CEP85L: variants seen among roughly 807,000 people sequenced by gnomAD.
The protein encoded by CEP85L is centrosomal protein of 85 kDa-like.
In CEP85L, 60 loss-of-function variants were observed where a neutral mutation model predicts 100.3. The ratio of observed to expected loss-of-function variants is 0.60; its 90% CI spans 0.49 to 0.74. CEP85L has a LOEUF of 0.74. CEP85L is among the 30% of genes least tolerant of loss of function. CEP85L has a pLI of 0.00. For synonymous variants in CEP85L, 319 were observed against 322.7 expected (o/e 0.99, Z 0.12); for missense variants, 973 against 936.2 (o/e 1.04, Z -0.51).
At chr6:118,544,392 T>C (rs1286304853) in intron 3 of CEP85L, among the ~76,000 whole-genome samples, 3 of 152,230 alleles carry the variant, frequency 2.0e-5, no homozygotes, top group African/African-American at 4.8e-5. Context: ...ACGTGCTCAT[T>C]TGACTCTCAA....
At chr6:118,662,796 A>G (rs565045834) in intron 1 of CEP85L, among the ~76,000 whole-genome samples, 1 of 152,300 alleles carries the variant, frequency 6.6e-6, no homozygotes, top group South Asian at 2.1e-4. Flanking sequence ...ATCAAATTCC[A>G]GTTGTCTCTG....
At chr6:118,599,275 A>C (rs879689134) in intron 2 of CEP85L, among the ~76,000 whole-genome samples, 4 of 152,218 alleles carry the variant, frequency 2.6e-5, no homozygotes, top group Non-Finnish European at 5.9e-5. Flanking sequence ...AAAAGTAAGG[A>C]AGTGCTCAAA....
intron 2 of CEP85L, among the ~76,000 whole-genome samples, chr6:118,590,513 T>C (rs1781124879): frequency 6.6e-6 from 1 of 152,172 alleles, no homozygotes; most frequent in South Asian, 2.1e-4. Context: ...ACTCAAAGGC[T>C]AGGGTGGGAG....
Position 118,491,745 on chromosome 6 carries a change from C to T in CEP85L, c.1378G>A (p.Glu460Lys), listed in dbSNP as rs771159509. 3 of 1,613,176 alleles carry T rather than the reference C, an allele frequency of 1.9e-6. No individual in the cohort carries two copies. Among genetic ancestry groups the T allele is most frequent in the Non-Finnish European group, 2.5e-6 (3 of 1,179,560 alleles). The change falls in exon 6 of 13, where the codon GAG becomes AAG. Residue 460 changes from glutamate to lysine, a missense_variant. Glu to Lys is a moderately conservative substitution (Grantham distance 56). Transcript: ENST00000368491. The part of the protein sequence containing the change: ...STEKEVLQLN[E>K]FLKQRLSLFS... ...AGGCTTAGTCTTTGTTTGAGAAACT[C>T]ATTAAGCTGTAAAACTTCTTTCTCA...
At position 118,480,427 on chromosome 6, in the gene CEP85L, T is replaced by C; in HGVS notation, c.1832A>G (p.Asn611Ser). ...AGCAGTCTCATTTTGTTGTCTGAGATTATCATTTTCATTCTGAAGCTGTTT... is the reference window on the plus strand; with the variant it reads ...AGCAGTCTCATTTTGTTGTCTGAGACTATCATTTTCATTCTGAAGCTGTTT... ...DAKQLQNEND[N>S]LRQQNETASK... Residue 611 changes from asparagine (N) to serine (S), a missense_variant, in exon 9 of 13, where the codon AAT becomes AGT. Around this residue, in one of 3 missense-constraint regions of CEP85L, gnomAD observed 890 missense variants for 844.5 expected, o/e 1.05. Transcript: ENST00000368491. The C allele has an allele frequency of 6.2e-7, 1 of 1,610,924 alleles. No homozygotes were observed. The highest frequency in any genetic ancestry group is 2.2e-5 in the East Asian group (1 of 44,756).
intron 1 of CEP85L, among the ~76,000 whole-genome samples, chr6:118,640,659 G>A (rs1226837672): frequency 1.3e-5 from 2 of 151,962 alleles, no homozygotes; most frequent in Middle Eastern, 3.2e-3. Flanking sequence ...CAAGTTGTGC[G>A]GATTACAGGC....
chr6:118,582,150 C>CA (rs1475363913), intron 2 of CEP85L, among the ~76,000 whole-genome samples: 6 of 152,164 alleles, frequency 3.9e-5, no homozygotes, highest in Non-Finnish European at 5.9e-5. Context: ...ATACTATCAG[C>CA]TCCTCCAGCT....
At chr6:118,502,434 G>C in intron 5 of CEP85L, 1 of 528,910 alleles carries the variant, frequency 1.9e-6, no homozygotes, top group Non-Finnish European at 3.7e-6. Flanking sequence ...ATAAGAGTTG[G>C]AGATATCACC....
intron 2 of CEP85L, among the ~76,000 whole-genome samples, chr6:118,573,356 A>G (rs952090239): frequency 6.6e-6 from 1 of 152,224 alleles, no homozygotes; most frequent in Non-Finnish European, 1.5e-5. Flanking sequence ...TCCAGATAGA[A>G]AAATATATTT....
chr6:118,690,094 A>G (rs997562775), intron 1 of CEP85L, among the ~76,000 whole-genome samples: 10 of 151,354 alleles, frequency 6.6e-5, no homozygotes, highest in Admixed American at 2.6e-4. Context: ...CTTAAAAGCA[A>G]CTCTTTATCC....
At chr6:118,581,230 T>TAG (rs1780559747) in intron 2 of CEP85L, among the ~76,000 whole-genome samples, 1 of 152,190 alleles carries the variant, frequency 6.6e-6, no homozygotes, top group Non-Finnish European at 1.5e-5. Context: ...TACATTTCTT[T>TAG]AAGTCACCTA....
chr6:118,614,065 C>G lies in CEP85L; in HGVS notation c.232+18388G>C, dbSNP rs996419950. Among the ~76,000 whole-genome samples, 5 of 152,120 alleles carry G rather than the reference C, an allele frequency of 3.3e-5. No individual in the cohort carries two copies. In the South Asian group the frequency reaches 6.2e-4, roughly 19 times the overall value. On this transcript the variant is annotated intron_variant, in intron 2 of 12. Coordinates refer to ENST00000368491, the MANE Select transcript of CEP85L (RefSeq NM_001042475.3). ...GCGCTTATTCCAGGGATAAAAAGTT[C>G]GTTAAACATTTTTTAAATCAAGTAA...
intron 2 of CEP85L, among the ~76,000 whole-genome samples, chr6:118,622,059 G>A (rs532954400): frequency 3.3e-4 from 50 of 152,294 alleles, no homozygotes; most frequent in African/African-American, 9.4e-4. Flanking sequence ...AGTCAGACCC[G>A]TGGGATAGCC....
At chr6:118,650,023 G>C (rs756169667) in intron 1 of CEP85L, among the ~76,000 whole-genome samples, 46 of 152,128 alleles carry the variant, frequency 3.0e-4, no homozygotes, top group Middle Eastern at 3.4e-3. Flanking sequence ...TTTTTAAATA[G>C]CAGAAAATAT....
At chr6:118,525,098 G>A (rs747267571) in intron 3 of CEP85L, among the ~76,000 whole-genome samples, 24 of 152,084 alleles carry the variant, frequency 1.6e-4, no homozygotes, top group Admixed American at 2.6e-4. Context: ...CTCCCTGGTC[G>A]TGTGACAAGA....
At chr6:118,498,021 G>A (rs1775029522) in intron 5 of CEP85L, among the ~76,000 whole-genome samples, 1 of 152,190 alleles carries the variant, frequency 6.6e-6, no homozygotes, top group Non-Finnish European at 1.5e-5. Flanking sequence ...GAAGTATTTT[G>A]CTATTATATG....
At chr6:118,627,547 C>T (rs951911716) in intron 2 of CEP85L, among the ~76,000 whole-genome samples, 2 of 152,170 alleles carry the variant, frequency 1.3e-5, no homozygotes, top group African/African-American at 4.8e-5. Flanking sequence ...GGACACAGCA[C>T]CTAGGTGGGA....
chr6:118,707,995 T>A (rs1000212828), intron 1 of CEP85L, among the ~76,000 whole-genome samples: 4 of 151,410 alleles, frequency 2.6e-5, no homozygotes, highest in Non-Finnish European at 5.9e-5. Flanking sequence ...GGGGAAACAA[T>A]CTGGCAGCAT....
intron 5 of CEP85L, among the ~76,000 whole-genome samples, chr6:118,505,030 T>A (rs1562208026): frequency 6.6e-6 from 1 of 152,140 alleles, no homozygotes; most frequent in South Asian, 2.1e-4. Flanking sequence ...CTTCAGTAGG[T>A]GAAGGCTGTG....
Sources: gnomAD v4.1 joint callset for allele counts (sites outside exome capture counted in the v4.1 genomes callset) on GRCh38, gnomAD v4.1.1 for gene constraint, gnomAD v4.1.1 regional missense constraint, MANE v1.5 for transcripts, NCBI Gene and HGNC (gene_info 2026-07-23, HGNC 2026-07-21) for gene names.